The following CAAP1 variants were observed in gnomAD, a reference collection of about 807,000 sequenced individuals.
The protein encoded by CAAP1 is caspase activity and apoptosis inhibitor 1, also known as conserved anti-apoptotic protein.
CAAP1 carries 20 observed loss-of-function variants against 34.0 expected under a neutral mutation model. That is an observed-to-expected ratio of 0.59 (90% CI 0.41 to 0.86). The LOEUF (loss-of-function observed/expected upper bound fraction) is 0.86. Among genes scored for constraint, CAAP1 ranks in the 40% least tolerant of loss-of-function variants. CAAP1 has a pLI of 0.00. For missense variants in CAAP1, 538 were observed against 450.5 expected, an observed-to-expected ratio of 1.19 and a Z score of -1.76; for synonymous variants, 213 against 166.7, an observed-to-expected ratio of 1.28 and a Z score of -2.14.
chr9:26,874,206 CAAA>C (rs34601727), intron 4 of CAAP1, among the ~76,000 whole-genome samples: 675 of 53,166 alleles, frequency 0.013, 4 homozygotes, highest in Admixed American at 0.035. Context: ...GACTCTGTCT[CAAA>C]AAAAAAAAAA....
chr9:26,870,907 G>A (rs1043691544), intron 4 of CAAP1, among the ~76,000 whole-genome samples: 2 of 152,034 alleles, frequency 1.3e-5, no homozygotes, highest in African/African-American at 2.4e-5. Context: ...GTGAGCCACC[G>A]CGCCCAGCCG....
At chr9:26,891,639 TAAC>T (rs1378043026) in intron 1 of CAAP1, among the ~76,000 whole-genome samples, 1 of 151,896 alleles carries the variant, frequency 6.6e-6, no homozygotes, top group Non-Finnish European at 1.5e-5. Flanking sequence ...TCAGTAAAAA[TAAC>T]AAACCACGTA....
chr9:26,871,281 A>T (rs1276172330), intron 4 of CAAP1, among the ~76,000 whole-genome samples: 1 of 152,180 alleles, frequency 6.6e-6, no homozygotes, highest in Admixed American at 6.5e-5. Flanking sequence ...TTTTTCCCTT[A>T]TTAAAAATAA....
At chr9:26,856,544 G>A (rs922729520) in intron 5 of CAAP1, among the ~76,000 whole-genome samples, 4 of 152,044 alleles carry the variant, frequency 2.6e-5, no homozygotes, top group African/African-American at 9.7e-5. Flanking sequence ...AAAGGAACTA[G>A]AAGATCAAGG....
At chr9:26,885,479 A>G (rs559016647) in intron 3 of CAAP1, among the ~76,000 whole-genome samples, 1 of 152,332 alleles carries the variant, frequency 6.6e-6, no homozygotes, top group African/African-American at 2.4e-5. Context: ...CCAGAGTTAC[A>G]AAATGCCATC....
rs528998424 is a variant in CAAP1 at position 26,890,634 on chromosome 9, A to T, written c.303+1779T>A. Among the ~76,000 whole-genome samples the T allele has an allele frequency of 2.0e-4, 31 of 152,040 alleles. 2 individuals are homozygous for T. The South Asian group carries it at 6.4e-3, about 32-fold the overall frequency. On this transcript the variant is annotated intron_variant, in intron 1 of 5. Coordinates refer to ENST00000333916, the MANE Select transcript of CAAP1 (RefSeq NM_024828.4). The stretch of plus-strand genomic sequence containing the variant: ...TTACAAAAATAAAAACTACAGTCTG[A>T]TCTAATTTAGAAACATATACATAAA...
At chr9:26,872,410 T>C (rs1213425061) in intron 4 of CAAP1, among the ~76,000 whole-genome samples, 1 of 152,080 alleles carries the variant, frequency 6.6e-6, no homozygotes, top group East Asian at 1.9e-4. Context: ...AACTAATAAC[T>C]ACATGACACC....
Position 26,884,706 on chromosome 9 carries a change from T to C in CAAP1, c.665+104A>G, listed in dbSNP as rs144669910. Reference sequence around the variant, plus strand: ...TAAATCTTTCTATACCACTGAATGATTTTATAAATAAAACACAGAAAAACA... The same window carrying C: ...TAAATCTTTCTATACCACTGAATGACTTTATAAATAAAACACAGAAAAACA... On this transcript the variant is annotated intron_variant, in intron 4 of 5. Coordinates refer to ENST00000333916, the MANE Select transcript of CAAP1 (RefSeq NM_024828.4). The C allele has an allele frequency of 9.2e-4, 806 of 872,982 alleles. 6 individuals are homozygous for C. The African/African-American group carries it at 0.012, about 13-fold the overall frequency. The allele number at this position is 872,982 out of a possible 1,614,324, so 54.1% of individuals were successfully genotyped here.
Position 26,892,640 on chromosome 9 carries a change from G to T in CAAP1, c.76C>A (p.Pro26Thr). Residue 26 changes from proline (P) to threonine (T), a missense_variant, in exon 1 of 6, where the codon CCG becomes ACG. Coordinates refer to ENST00000333916, the MANE Select transcript of CAAP1 (RefSeq NM_024828.4). ...SQEAAAALAA[P>T]DIVPALASGS... Reference sequence around the variant, plus strand: ...CTGGCCAACGCGGGTACGATGTCCGGGGCCGCGAGCGCTGCGGCCGCCTCC... The same window carrying T: ...CTGGCCAACGCGGGTACGATGTCCGTGGCCGCGAGCGCTGCGGCCGCCTCC... The T allele has an allele frequency of 3.1e-6, 5 of 1,608,520 alleles. No homozygotes were observed. The highest frequency in any genetic ancestry group is 2.5e-6 in the Non-Finnish European group (3 of 1,179,318).
At chr9:26,873,435 T>C (rs1368493671) in intron 4 of CAAP1, among the ~76,000 whole-genome samples, 2 of 152,186 alleles carry the variant, frequency 1.3e-5, no homozygotes, top group African/African-American at 4.8e-5. Flanking sequence ...CATAAAGATA[T>C]TTAGAGAAAG....
intron 5 of CAAP1, among the ~76,000 whole-genome samples, chr9:26,858,613 G>C (rs1474838997): frequency 6.6e-6 from 1 of 152,090 alleles, no homozygotes; most frequent in Non-Finnish European, 1.5e-5. Flanking sequence ...ACGAGGTCAG[G>C]AGATCAAGAC....
At chr9:26,889,867 C>CAAAAAAAAAAAAAAAAAAAAAAAAAAA (rs1028187218) in intron 1 of CAAP1, among the ~76,000 whole-genome samples, 1 of 51,326 alleles carries the variant, frequency 1.9e-5, no homozygotes. Flanking sequence ...GACTCTGTCT[C>CAAAAAAAAAAAAAAAAAAAAAAAAAAA]AAAAAAAAAA....
intron 5 of CAAP1, among the ~76,000 whole-genome samples, chr9:26,846,439 AG>A (rs369931004): frequency 0.032 from 4,305 of 132,938 alleles, 118 homozygotes; most frequent in South Asian, 0.073. Flanking sequence ...AAAAAAAAAA[AG>A]AAGAAGAAAA....
rs532788623 is a variant in CAAP1 at position 26,880,743 on chromosome 9, T to C, written c.665+4067A>G. On this transcript the variant is annotated intron_variant, in intron 4 of 5. Coordinates refer to ENST00000333916, the MANE Select transcript of CAAP1 (RefSeq NM_024828.4). ...CACCCAGGAGTGCAGTTGTGGGATT[T>C]TGGCTCACTGCAACCTCCATTTCCT... Among the ~76,000 whole-genome samples the C allele has an allele frequency of 1.5e-4, 23 of 152,300 alleles. 1 individual carries two copies. The highest frequency in any genetic ancestry group is 8.3e-4 in the South Asian group (4 of 4,826).
At chr9:26,859,591 T>A (rs1822957692) in intron 5 of CAAP1, among the ~76,000 whole-genome samples, 1 of 152,146 alleles carries the variant, frequency 6.6e-6, no homozygotes, top group Admixed American at 6.5e-5. Context: ...GTAGTCTAAT[T>A]ATACATGAGG....
chr9:26,880,756 A>C (rs1430833623), intron 4 of CAAP1, among the ~76,000 whole-genome samples: 5 of 151,794 alleles, frequency 3.3e-5, no homozygotes, highest in Non-Finnish European at 7.4e-5. Flanking sequence ...GCTCACTGCA[A>C]CCTCCATTTC....
At chr9:26,880,342 C>T (rs1823560074) in intron 4 of CAAP1, 2 of 312,032 alleles carry the variant, frequency 6.4e-6, no homozygotes, top group Admixed American at 4.2e-5. Context: ...CAAGCCAGAC[C>T]GTGGAAGGGA....
At chr9:26,861,211 G>A (rs916621889) in intron 4 of CAAP1, 72 bp from the exon 5 acceptor site, 3 of 1,130,760 alleles carry the variant, frequency 2.7e-6, no homozygotes, top group African/African-American at 3.1e-5. Flanking sequence ...CAGGTTCCCA[G>A]AATTAAGTTA....
chr9:26,850,175 T>C (rs1822713326), intron 5 of CAAP1, among the ~76,000 whole-genome samples: 1 of 152,232 alleles, frequency 6.6e-6, no homozygotes, highest in South Asian at 2.1e-4. Flanking sequence ...GAAGACTTAT[T>C]TTAATGCTTT....
Sources: allele counts gnomAD v4.1 joint callset (sites outside exome capture counted in the v4.1 genomes callset), GRCh38; gene constraint gnomAD v4.1.1; transcripts MANE v1.5; gene names NCBI Gene and HGNC (gene_info 2026-07-23, HGNC 2026-07-21).